The following ASXL1 variants were observed in gnomAD, a reference collection of about 807,000 sequenced individuals.
ASXL1 encodes polycomb group protein ASXL1.
A neutral mutation model predicts 89.1 loss-of-function variants in ASXL1; 65 were observed. The observed-to-expected ratio is 0.73, with a 90% CI of 0.60 to 0.90. The LOEUF (loss-of-function observed/expected upper bound fraction) is 0.90. Ranked by LOEUF, ASXL1 falls within the 40% of genes least tolerant of loss-of-function variation. The pLI is 0.00. For synonymous variants in ASXL1, 739 were observed against 746.9 expected (o/e 0.99, Z 0.17); for missense variants, 1,786 against 1,942.9 (o/e 0.92, Z 1.52).
intron 4 of ASXL1, among the ~76,000 whole-genome samples, chr20:32,397,250 C>CTTTTT (rs71187116): frequency 0.055 from 385 of 7,002 alleles, 107 homozygotes; most frequent in East Asian, 0.19. Context: ...CCATGCCTGG[C>CTTTTT]TTTTTTTTTT....
chr20:32,359,113 G>C, intron 1 of ASXL1: 1 of 613,144 alleles, frequency 1.6e-6, no homozygotes, highest in South Asian at 1.9e-5. Flanking sequence ...CCCACTCTGG[G>C]CAGCGGGGTC....
At chr20:32,358,940 G>T in intron 1 of ASXL1, 108 bp downstream of exon 1, 4 of 1,181,984 alleles carry the variant, frequency 3.4e-6, no homozygotes, top group Non-Finnish European at 4.5e-6. Flanking sequence ...CCGCGGGAGG[G>T]GGCGGGGCCA....
At chr20:32,396,642 A>G (rs1401457161) in intron 4 of ASXL1, among the ~76,000 whole-genome samples, 1 of 152,216 alleles carries the variant, frequency 6.6e-6, no homozygotes, top group Non-Finnish European at 1.5e-5. Flanking sequence ...TCTCTAATGC[A>G]GTGTACAGAC....
intron 4 of ASXL1, among the ~76,000 whole-genome samples, chr20:32,371,477 G>A (rs1484455922): frequency 6.6e-6 from 1 of 152,000 alleles, no homozygotes; most frequent in Non-Finnish European, 1.5e-5. Flanking sequence ...TGTGGAGAAG[G>A]AGTTTTGCCA....
At chr20:32,377,433 TTTC>T (rs1205662773) in intron 4 of ASXL1, among the ~76,000 whole-genome samples, 2 of 151,878 alleles carry the variant, frequency 1.3e-5, no homozygotes, top group South Asian at 2.1e-4. Context: ...TGACAAAGGG[TTTC>T]TTCTTTGATA....
intron 4 of ASXL1, among the ~76,000 whole-genome samples, chr20:32,374,371 A>G (rs929155577): frequency 1.3e-5 from 2 of 152,094 alleles, no homozygotes; most frequent in Non-Finnish European, 2.9e-5. Context: ...ATAGCTCACT[A>G]CAACCTTGAG....
At chr20:32,385,161 G>A (rs1449457500) in intron 4 of ASXL1, among the ~76,000 whole-genome samples, 1 of 152,176 alleles carries the variant, frequency 6.6e-6, no homozygotes, top group Non-Finnish European at 1.5e-5. Context: ...CCAGACAGAC[G>A]TTATACTCCT....
Position 32,368,895 on chromosome 20 carries a change from A to AT in ASXL1, c.144-114dup, listed in dbSNP as rs911328138. On this transcript the variant is annotated intron_variant, in intron 3 of 12. Transcript: ENST00000375687. ...ATTTTCACAGTGAAATTGTCATGAG[A>AT]TTTTTTCTTCTGTATTTCTTGCTTA... 6.9e-5 allele frequency: 51 copies of AT among 741,242 alleles called. No individual in the cohort carries two copies. The African/African-American group carries it at 7.6e-4, about 11-fold the overall frequency. The allele number at this position is 741,242 out of a possible 1,614,324, so 45.9% of individuals were successfully genotyped here.
At chr20:32,380,226 G>A (rs1353615824) in intron 4 of ASXL1, among the ~76,000 whole-genome samples, 1 of 152,208 alleles carries the variant, frequency 6.6e-6, no homozygotes. Context: ...AGATTGCAAT[G>A]AGCCTATTGC....
chr20:32,433,034 G>A (rs1460739667), intron 11 of ASXL1, 49 bp downstream of exon 11: 1 of 1,606,748 alleles, frequency 6.2e-7, no homozygotes, highest in Non-Finnish European at 8.5e-7. Context: ...TGAGGGGATA[G>A]AGGTAGATGG....
At chr20:32,391,883 C>T (rs1056526269) in intron 4 of ASXL1, among the ~76,000 whole-genome samples, 1 of 151,898 alleles carries the variant, frequency 6.6e-6, no homozygotes, top group Admixed American at 6.6e-5. Flanking sequence ...CAGTTCTTTT[C>T]AGTGCTTAGT....
rs775057414 is a variant in ASXL1, at chr20:32,429,309, G to T, written c.472-29G>T. 1 of 1,608,304 alleles carries T rather than the reference G, an allele frequency of 6.2e-7. No homozygotes were observed. The highest frequency in any genetic ancestry group is 8.5e-7 in the Non-Finnish European group (1 of 1,175,440). On this transcript the variant is annotated intron_variant, in intron 6 of 12. Coordinates refer to ENST00000375687, the MANE Select transcript of ASXL1 (RefSeq NM_015338.6). This position sits in a 1 kb window ranked among gnomAD's most constrained non-coding sequence, Gnocchi z 4.9. ...TTTTGTGGCTCTGCAGTTGACTTGG[G>T]CTCTCTTTTGTTCTCTCTTGGAACG...
At chr20:32,377,661 T>C (rs971880031) in intron 4 of ASXL1, among the ~76,000 whole-genome samples, 7 of 149,092 alleles carry the variant, frequency 4.7e-5, no homozygotes, top group Admixed American at 1.3e-4. Context: ...GTTTGTTTTC[T>C]TTTTTTTTTG....
At chr20:32,416,231 A>G (rs915317814) in intron 4 of ASXL1, among the ~76,000 whole-genome samples, 5 of 152,104 alleles carry the variant, frequency 3.3e-5, no homozygotes, top group African/African-American at 1.2e-4. Flanking sequence ...GTTTACTATA[A>G]TTTTCCTATT....
At chr20:32,403,021 AGTT>A (rs1160234141) in intron 4 of ASXL1, among the ~76,000 whole-genome samples, 5 of 152,106 alleles carry the variant, frequency 3.3e-5, no homozygotes, top group Admixed American at 2.6e-4. Context: ...TTTTTCTAAA[AGTT>A]GTATGCTTTA....
At chr20:32,406,678 C>G (rs2048961371) in intron 4 of ASXL1, among the ~76,000 whole-genome samples, 1 of 152,218 alleles carries the variant, frequency 6.6e-6, no homozygotes, top group Admixed American at 6.5e-5. Flanking sequence ...GTTGGCTCCA[C>G]TCTCATCCCA....
chr20:32,364,678 G>GT (rs1445705618), intron 1 of ASXL1, among the ~76,000 whole-genome samples: 5 of 152,330 alleles, frequency 3.3e-5, no homozygotes, highest in African/African-American at 1.2e-4. Context: ...GACTATAGGT[G>GT]TGCACCACCG....
rs771708439 is a variant in ASXL1 at position 32,436,733 on chromosome 20, A to C, written c.4021A>C (p.Ser1341Arg). The part of the protein sequence containing the change: ...PVFPSGKLGP[S>R]TNSMSGGVQT... The stretch of plus-strand genomic sequence containing the variant: ...TTTTCCCAGTGGGAAGTTGGGACCA[A>C]GCACAAACTCCATGTCTGGTGGGGT... Residue 1341 changes from serine to arginine, a missense_variant, in exon 13 of 13, where the codon AGC becomes CGC. Around this residue, in one of 3 missense-constraint regions of ASXL1, gnomAD observed 1,418 missense variants for 1,427.8 expected, o/e 0.99. Coordinates refer to ENST00000375687, the MANE Select transcript of ASXL1 (RefSeq NM_015338.6). 3 of 1,614,080 alleles carry C rather than the reference A, an allele frequency of 1.9e-6. No homozygotes were observed. In the South Asian group the frequency reaches 3.3e-5, roughly 18 times the overall value.
intron 11 of ASXL1, 93 bp downstream of exon 11, chr20:32,433,078 G>A (rs2011575696): frequency 6.4e-7 from 1 of 1,568,990 alleles, no homozygotes; most frequent in Non-Finnish European, 8.6e-7. Context: ...TGTTGGACAA[G>A]AATGTGGAGA....
Sources: allele counts gnomAD v4.1 joint callset (sites outside exome capture counted in the v4.1 genomes callset), GRCh38; gene constraint gnomAD v4.1.1; regional missense constraint gnomAD v4.1.1; non-coding constraint Gnocchi (gnomAD v3.1); transcripts MANE v1.5; gene names NCBI Gene and HGNC (gene_info 2026-07-23, HGNC 2026-07-21).